Variants in TMEM164 observed in about 807,000 individuals in gnomAD.
The protein encoded by TMEM164 is RP13-360B22.2.
In TMEM164, 4 loss-of-function variants were observed where a neutral mutation model predicts 18.8. The ratio of observed to expected loss-of-function variants is 0.21; its 90% CI spans 0.10 to 0.49. The LOEUF (loss-of-function observed/expected upper bound fraction) is 0.49, where lower values mean the gene tolerates loss of function less well. Ranked by LOEUF, TMEM164 falls within the 20% of genes least tolerant of loss-of-function variation. The pLI, the probability that TMEM164 is intolerant of heterozygous loss-of-function variation, is 0.98. For missense variants in TMEM164, 108 were observed against 239.9 expected, an observed-to-expected ratio of 0.45 and a Z score of 3.63; for synonymous variants, 86 against 101.7, an observed-to-expected ratio of 0.85 and a Z score of 0.93.
intron 3 of TMEM164, among the ~76,000 whole-genome samples, chrX:110,073,851 A>C (rs1394264803): frequency 9.1e-6 from 1 of 110,384 alleles, no homozygotes; most frequent in Non-Finnish European, 1.9e-5. Flanking sequence ...AGCCGTTCTG[A>C]TTGGTGTGAG....
chrX:110,169,790 C>T (rs919065928), intron 5 of TMEM164, among the ~76,000 whole-genome samples: 1 of 111,998 alleles, frequency 8.9e-6, no homozygotes, highest in Admixed American at 9.4e-5. Context: ...ACTCTGGGTG[C>T]ACATCCCTTC....
chrX:110,139,639 G>A (rs997858277), intron 4 of TMEM164, among the ~76,000 whole-genome samples: 19 of 112,025 alleles, frequency 1.7e-4, no homozygotes, highest in African/African-American at 5.8e-4. Flanking sequence ...GTTTAGGGAT[G>A]TGAAGTCAGA....
intron 3 of TMEM164, among the ~76,000 whole-genome samples, chrX:110,083,397 T>C (rs2065786875): frequency 9.0e-6 from 1 of 111,605 alleles, no homozygotes; most frequent in Non-Finnish European, 1.9e-5. Flanking sequence ...TTTCAGCTTG[T>C]ATTATTCATT....
intron 3 of TMEM164, among the ~76,000 whole-genome samples, chrX:110,082,478 A>G (rs1011670716): frequency 8.9e-6 from 1 of 112,004 alleles, no homozygotes; most frequent in African/African-American, 3.2e-5. Flanking sequence ...TCCAAGCCAC[A>G]GAATTCTTTT....
chrX:110,161,726 C>G (rs1352267998), intron 5 of TMEM164, among the ~76,000 whole-genome samples: 1 of 112,380 alleles, frequency 8.9e-6, no homozygotes, highest in African/African-American at 3.2e-5. Context: ...AGGATTCCCT[C>G]TAAGTCAGTG....
At position 110,033,997 on chromosome X, in the gene TMEM164, A is replaced by T. The variant is rs184250710; in HGVS notation, c.390+29833A>T. Among the ~76,000 whole-genome samples, 5 of 110,773 alleles carry T rather than the reference A, an allele frequency of 4.5e-5. No homozygotes were observed. The East Asian group carries it at 1.4e-3, about 31-fold the overall frequency. On this transcript the variant is annotated intron_variant, in intron 2 of 6. Transcript: ENST00000372068. ...CCCACCCAACTTCTTTGGAGGGAAAAATTCCATTGGTCATTAATACTGGGA... is the reference window on the plus strand; with the variant it reads ...CCCACCCAACTTCTTTGGAGGGAAATATTCCATTGGTCATTAATACTGGGA...
intron 4 of TMEM164, 82 bp from the exon 5 acceptor site, chrX:110,144,716 A>G (rs1428551799): frequency 6.5e-6 from 5 of 766,632 alleles, no homozygotes; most frequent in Middle Eastern, 3.0e-4. Flanking sequence ...TGGGTCCTGA[A>G]CAGCAGGGGA....
intron 2 of TMEM164, among the ~76,000 whole-genome samples, chrX:110,016,147 G>A (rs1781430825): frequency 8.9e-6 from 1 of 112,702 alleles, no homozygotes; most frequent in African/African-American, 3.2e-5. Context: ...ATGGAAACCA[G>A]GCTAGGATCA....
At chrX:110,101,527 G>A (rs2066109894) in intron 3 of TMEM164, among the ~76,000 whole-genome samples, 2 of 108,268 alleles carry the variant, frequency 1.8e-5, no homozygotes, top group South Asian at 7.9e-4. Flanking sequence ...ATTCTACCTA[G>A]AAGTTTATAA....
At chrX:110,179,443 C>T (rs867978583), downstream of TMEM164, among the ~76,000 whole-genome samples, 1 of 112,152 alleles carries the variant, frequency 8.9e-6, no homozygotes, top group Non-Finnish European at 1.9e-5. Flanking sequence ...GCATCTTCAA[C>T]TACATCTCCT....
intron 2 of TMEM164, among the ~76,000 whole-genome samples, chrX:110,066,979 C>T (rs1164142539): frequency 1.8e-5 from 2 of 111,508 alleles, no homozygotes; most frequent in Non-Finnish European, 3.8e-5. Flanking sequence ...TATTGATAAA[C>T]CCACCTTCTC....
At chrX:110,100,030 G>C (rs1279020565) in intron 3 of TMEM164, among the ~76,000 whole-genome samples, 1 of 112,196 alleles carries the variant, frequency 8.9e-6, no homozygotes, top group Non-Finnish European at 1.9e-5. Flanking sequence ...TGATTTTTGT[G>C]TGTTGACTTC....
chrX:110,009,414 T>C (rs1225448427), intron 2 of TMEM164, among the ~76,000 whole-genome samples: 1 of 112,394 alleles, frequency 8.9e-6, no homozygotes, highest in Non-Finnish European at 1.9e-5. Flanking sequence ...TTTGTATGCA[T>C]GTAGGTAATC....
At chrX:110,154,687 T>C (rs1265640395) in intron 5 of TMEM164, among the ~76,000 whole-genome samples, 1 of 112,196 alleles carries the variant, frequency 8.9e-6, no homozygotes, top group Non-Finnish European at 1.9e-5. Flanking sequence ...CCCAAAGTGC[T>C]GGGATTATAG....
At chrX:110,105,875 C>T (rs935122081) in intron 3 of TMEM164, among the ~76,000 whole-genome samples, 1 of 110,135 alleles carries the variant, frequency 9.1e-6, no homozygotes, top group African/African-American at 3.3e-5. Flanking sequence ...GACATCTGAG[C>T]GTGACTTCAG....
intron 4 of TMEM164, among the ~76,000 whole-genome samples, chrX:110,112,920 GAGTT>G (rs2066310561): frequency 9.0e-6 from 1 of 111,377 alleles, no homozygotes; most frequent in Non-Finnish European, 1.9e-5. Context: ...GAAGTACTGA[GAGTT>G]AGGGCTCCAA....
chrX:110,092,672 TC>T (rs1227473994), intron 3 of TMEM164, among the ~76,000 whole-genome samples: 1 of 111,935 alleles, frequency 8.9e-6, no homozygotes, highest in African/African-American at 3.2e-5. Context: ...CAATTTGACT[TC>T]CTCTTTTCCT....
intron 3 of TMEM164, among the ~76,000 whole-genome samples, chrX:110,096,244 G>T (rs776542322): frequency 8.9e-6 from 1 of 112,811 alleles, no homozygotes; most frequent in Non-Finnish European, 1.9e-5. Flanking sequence ...GTCTGCAGAA[G>T]TTTCTGCTGC....
At chrX:110,024,562 C>T (rs932769049) in intron 2 of TMEM164, among the ~76,000 whole-genome samples, 1 of 112,293 alleles carries the variant, frequency 8.9e-6, no homozygotes, top group African/African-American at 3.2e-5. Context: ...TTGTGAGCCA[C>T]TGTGCCTGTC....
Sources: gnomAD v4.1 joint callset for allele counts (sites outside exome capture counted in the v4.1 genomes callset) on GRCh38, gnomAD v4.1.1 for gene constraint, MANE v1.5 for transcripts, NCBI Gene and HGNC (gene_info 2026-07-23, HGNC 2026-07-21) for gene names.